Variants in DOCK1 observed in about 807,000 individuals in gnomAD.
The protein encoded by DOCK1 is dedicator of cytokinesis 1.
In DOCK1, 138 loss-of-function variants were observed where a neutral mutation model predicts 262.7. The observed-to-expected ratio is 0.53, with a 90% confidence interval of 0.46 to 0.61. DOCK1 has a LOEUF of 0.61. DOCK1 is among the 20% of genes least tolerant of loss of function. The probability of loss-of-function intolerance (pLI) is 0.00; values close to 1 mark genes in which losing one functional copy is unlikely to be tolerated. For synonymous variants in DOCK1, 866 were observed against 867.4 expected, an observed-to-expected ratio of 1.00 and a Z score of 0.03; for missense variants, 1,908 against 2,370.7, an observed-to-expected ratio of 0.80 and a Z score of 4.05.
chr10:127,114,771 T>G (rs2049076384), intron 25 of DOCK1, among the ~76,000 whole-genome samples: 1 of 150,940 alleles, frequency 6.6e-6, no homozygotes, highest in South Asian at 2.1e-4. Flanking sequence ...TTTTTTTTTT[T>G]TTTTGAGATG....
chr10:126,920,816 G>A (rs573409522), intron 1 of DOCK1, among the ~76,000 whole-genome samples: 5 of 152,178 alleles, frequency 3.3e-5, no homozygotes, highest in South Asian at 2.1e-4. Context: ...AGGCTGGTCC[G>A]AGTGCAGTGG....
intron 1 of DOCK1, among the ~76,000 whole-genome samples, chr10:126,947,357 T>A: frequency 7.3e-6 from 1 of 136,738 alleles, no homozygotes; most frequent in South Asian, 2.4e-4. Flanking sequence ...TGGTGGTGGT[T>A]GGTAGTATTA....
At chr10:127,331,655 A>G (rs2062988179) in intron 29 of DOCK1, among the ~76,000 whole-genome samples, 2 of 152,186 alleles carry the variant, frequency 1.3e-5, no homozygotes, top group Admixed American at 1.3e-4. Context: ...TGGGAAACTT[A>G]GGATTTTATT....
intron 28 of DOCK1, among the ~76,000 whole-genome samples, chr10:127,248,384 C>T (rs1231735782): frequency 4.6e-5 from 7 of 152,152 alleles, no homozygotes; most frequent in African/African-American, 1.4e-4. Context: ...GTTTCTTCTC[C>T]TGTGCTTTGG....
intron 13 of DOCK1, among the ~76,000 whole-genome samples, chr10:127,020,477 G>A (rs2042334722): frequency 6.6e-6 from 1 of 151,814 alleles, no homozygotes; most frequent in African/African-American, 2.4e-5. Context: ...TGAGGTGGGA[G>A]GATCCCTGGA....
At chr10:126,939,650 C>T (rs892534962) in intron 1 of DOCK1, among the ~76,000 whole-genome samples, 4 of 152,106 alleles carry the variant, frequency 2.6e-5, no homozygotes, top group Non-Finnish European at 4.4e-5. Context: ...CGTGAGCCAC[C>T]GCGCCTGACC....
intron 23 of DOCK1, among the ~76,000 whole-genome samples, chr10:127,090,741 A>T (rs1199192804): frequency 6.6e-6 from 1 of 152,134 alleles, no homozygotes; most frequent in Non-Finnish European, 1.5e-5. Context: ...TATAAATGGC[A>T]CTATAGAATA....
At chr10:127,311,348 C>T (rs141782947) in intron 29 of DOCK1, among the ~76,000 whole-genome samples, 1 of 152,336 alleles carries the variant, frequency 6.6e-6, no homozygotes, top group African/African-American at 2.4e-5. Context: ...AATTCTTACT[C>T]ATCCTGCAGA....
At chr10:127,439,578 G>A (rs1485868840) in intron 49 of DOCK1, among the ~76,000 whole-genome samples, 4 of 152,182 alleles carry the variant, frequency 2.6e-5, no homozygotes, top group East Asian at 3.9e-4. Flanking sequence ...AACAGTCCTT[G>A]GTGTCCGCTA....
At chr10:127,005,053 T>C (rs146682453) in intron 10 of DOCK1, among the ~76,000 whole-genome samples, 1 of 152,008 alleles carries the variant, frequency 6.6e-6, no homozygotes, top group African/African-American at 2.4e-5. Context: ...GAAAGGATAC[T>C]TGGTCGGGTG....
chr10:127,025,802 C>T (rs2042799269), intron 15 of DOCK1, among the ~76,000 whole-genome samples: 1 of 152,046 alleles, frequency 6.6e-6, no homozygotes, highest in Non-Finnish European at 1.5e-5. Context: ...GTGGCTCACA[C>T]TTGTAATCCC....
At chr10:127,013,949 C>T (rs950759080) in intron 12 of DOCK1, among the ~76,000 whole-genome samples, 1 of 152,246 alleles carries the variant, frequency 6.6e-6, no homozygotes, top group Non-Finnish European at 1.5e-5. Flanking sequence ...CATTTTATCA[C>T]CAGCAGCCCA....
intron 31 of DOCK1, 111 bp from the exon 32 acceptor site, chr10:127,354,558 C>T (rs905343803): frequency 4.1e-6 from 5 of 1,234,296 alleles, no homozygotes; most frequent in Non-Finnish European, 5.7e-6. Context: ...TTGACACTCT[C>T]TTTATTTGCC....
chr10:127,197,801 T>C (rs983715382), intron 27 of DOCK1, among the ~76,000 whole-genome samples: 2 of 152,228 alleles, frequency 1.3e-5, no homozygotes, highest in Admixed American at 6.5e-5. Flanking sequence ...AGCCTATCAC[T>C]GCCTTATAGA....
At chr10:126,992,858 G>C (rs2039910967) in intron 6 of DOCK1, among the ~76,000 whole-genome samples, 1 of 151,806 alleles carries the variant, frequency 6.6e-6, no homozygotes, top group Non-Finnish European at 1.5e-5. Context: ...CCTCATAGAT[G>C]CATTGGGCTT....
At chr10:127,319,263 T>A (rs891633738) in intron 29 of DOCK1, among the ~76,000 whole-genome samples, 2 of 152,238 alleles carry the variant, frequency 1.3e-5, no homozygotes, top group Non-Finnish European at 2.9e-5. Flanking sequence ...AATTGATTTA[T>A]TGTGTTGAAA....
At chr10:127,046,565 C>A (rs893469545) in intron 21 of DOCK1, among the ~76,000 whole-genome samples, 1 of 151,854 alleles carries the variant, frequency 6.6e-6, no homozygotes, top group Non-Finnish European at 1.5e-5. Context: ...ACCAGCCTGG[C>A]CAACATGGTG....
intron 27 of DOCK1, among the ~76,000 whole-genome samples, chr10:127,229,779 T>A (rs527491283): frequency 1.3e-5 from 2 of 152,328 alleles, no homozygotes; most frequent in South Asian, 4.2e-4. Context: ...TTGATGATTT[T>A]AGTTTTAATT....
intron 22 of DOCK1, among the ~76,000 whole-genome samples, chr10:127,058,859 T>C: frequency 6.6e-6 from 1 of 152,270 alleles, no homozygotes; most frequent in Non-Finnish European, 1.5e-5. Context: ...CTATGTTTTA[T>C]ATTCCATAAG....
Sources: gnomAD v4.1 joint callset for allele counts (sites outside exome capture counted in the v4.1 genomes callset) on GRCh38, gnomAD v4.1.1 for gene constraint, MANE v1.5 for transcripts, NCBI Gene and HGNC (gene_info 2026-07-23, HGNC 2026-07-21) for gene names.